The following CNNM2 variants were observed in gnomAD, a reference collection of about 807,000 sequenced individuals.
CNNM2 encodes the protein cyclin and CBS domain divalent metal cation transport mediator 2, also known as metal transporter CNNM2.
CNNM2 carries 12 observed loss-of-function variants against 66.9 expected under a neutral mutation model. The observed-to-expected ratio is 0.18, with a 90% CI of 0.11 to 0.29. CNNM2 has a LOEUF of 0.29. CNNM2 is among the 10% of genes least tolerant of loss of function. CNNM2 has a pLI of 1.00. For missense variants in CNNM2, 705 were observed against 1,167.7 expected, an observed-to-expected ratio of 0.60 and a Z score of 5.77; for synonymous variants, 557 against 501.8, an observed-to-expected ratio of 1.11 and a Z score of -1.47.
intron 2 of CNNM2, among the ~76,000 whole-genome samples, chr10:103,052,806 G>A (rs1226588963): frequency 6.6e-6 from 1 of 152,146 alleles, no homozygotes; most frequent in Non-Finnish European, 1.5e-5. Context: ...CACCGTGCCT[G>A]GCCGATTTCA....
At chr10:103,049,593 A>C (rs1326576991) in intron 1 of CNNM2, 114 bp from the exon 2 acceptor site, 2 of 1,008,486 alleles carry the variant, frequency 2.0e-6, no homozygotes, top group Non-Finnish European at 3.0e-6. Flanking sequence ...ATGCTGAAAC[A>C]GAGATTTTGA....
chr10:103,041,697 G>A (rs961601288), intron 1 of CNNM2, among the ~76,000 whole-genome samples: 2 of 152,092 alleles, frequency 1.3e-5, no homozygotes, highest in African/African-American at 2.4e-5. Context: ...GTGACCTTTC[G>A]GCTGCATTTG....
chr10:103,076,936 C>G (rs779027383), intron 7 of CNNM2, 35 bp from the exon 8 acceptor site: 7 of 1,583,004 alleles, frequency 4.4e-6, no homozygotes, highest in African/African-American at 2.7e-5. Flanking sequence ...TAAGCATTAT[C>G]TTGGTTTGTT....
chr10:102,960,980 G>A (rs529254244), intron 1 of CNNM2, among the ~76,000 whole-genome samples: 3 of 150,720 alleles, frequency 2.0e-5, no homozygotes, highest in East Asian at 1.9e-4. Context: ...TCCAACCTCC[G>A]GTTTCTCTTG....
chr10:102,979,583 T>C (rs1196973160), intron 1 of CNNM2, among the ~76,000 whole-genome samples: 1 of 152,232 alleles, frequency 6.6e-6, no homozygotes, highest in Non-Finnish European at 1.5e-5. Flanking sequence ...GTGTAACATT[T>C]GTCTCCCCGC....
chr10:102,940,622 G>T (rs952201504), intron 1 of CNNM2, among the ~76,000 whole-genome samples: 1 of 151,242 alleles, frequency 6.6e-6, no homozygotes, highest in South Asian at 2.1e-4. Flanking sequence ...GTTTCACCGT[G>T]TTAGCCAGGA....
intron 1 of CNNM2, among the ~76,000 whole-genome samples, chr10:103,019,594 T>C (rs1041615469): frequency 6.6e-6 from 1 of 152,146 alleles, no homozygotes; most frequent in African/African-American, 2.4e-5. Flanking sequence ...GAGGAAAGCC[T>C]GTGATGATGG....
intron 1 of CNNM2, among the ~76,000 whole-genome samples, chr10:103,042,464 A>AGGC (rs2065059501): frequency 6.6e-6 from 1 of 152,060 alleles, no homozygotes; most frequent in Non-Finnish European, 1.5e-5. Context: ...ATGCCTTTTC[A>AGGC]CTTCAAGGTT....
At position 103,078,212 on chromosome 10, in the gene CNNM2, G is replaced by A. The variant is rs960128358; in HGVS notation, c.*1032G>A. 5 of 152,244 alleles carry A rather than the reference G, an allele frequency of 3.3e-5. No homozygotes were observed. Among genetic ancestry groups the A allele is most frequent in the African/African-American group, 1.2e-4 (5 of 41,464 alleles). The allele number at this position is 152,244 out of a possible 1,614,324, so 9.4% of individuals were successfully genotyped here. A position where few individuals can be genotyped will look rare whatever the true frequency, so the allele number is the denominator to read the frequency against. ...AACATACTTTAACAGAAAACGAGTC[G>A]GACCTTCTAGCTGCACTCTGTACTG... On this transcript the variant is annotated 3_prime_UTR_variant, in exon 8 of 8. Coordinates refer to ENST00000369878, the MANE Select transcript of CNNM2 (RefSeq NM_017649.5).
At chr10:102,936,345 G>A (rs1846238556) in intron 1 of CNNM2, among the ~76,000 whole-genome samples, 1 of 152,108 alleles carries the variant, frequency 6.6e-6, no homozygotes, top group African/African-American at 2.4e-5. Flanking sequence ...AGTCACTAGT[G>A]TACCTCCTTG....
intron 5 of CNNM2, 23 bp downstream of exon 5, chr10:103,068,745 T>A (rs759469897): frequency 6.3e-7 from 1 of 1,586,322 alleles, no homozygotes; most frequent in South Asian, 1.1e-5. Context: ...CCCAGCCGCA[T>A]AGGGCAGGAC....
At chr10:102,938,022 G>C (rs1482831215) in intron 1 of CNNM2, among the ~76,000 whole-genome samples, 2 of 151,856 alleles carry the variant, frequency 1.3e-5, no homozygotes, top group African/African-American at 4.8e-5. Flanking sequence ...CAATGTGTGG[G>C]GCGCAGTGAC....
Position 102,918,322 on chromosome 10 carries a change from G to C in CNNM2, c.-159G>C. Reference sequence around the variant, plus strand: ...TCCCTCTTTCCCTCCCGCGAGCCTCGGGGTTCCTCAGCTGGCTGAGGTGGA... The same window carrying C: ...TCCCTCTTTCCCTCCCGCGAGCCTCCGGGTTCCTCAGCTGGCTGAGGTGGA... On this transcript the variant is annotated 5_prime_UTR_variant, in exon 1 of 8. Transcript: ENST00000369878. The surrounding 1 kb of genome is among the most constrained non-coding windows in gnomAD (Gnocchi z 4.1). 4.7e-6 allele frequency: 6 copies of C among 1,266,540 alleles called. No individual in the cohort carries two copies. The highest frequency in any genetic ancestry group is 6.3e-6 in the Non-Finnish European group (6 of 959,392). 78.5% of individuals were successfully genotyped at this position (1,266,540 alleles called of 1,614,324 possible).
At chr10:103,000,601 G>C (rs893964698) in intron 1 of CNNM2, among the ~76,000 whole-genome samples, 1 of 151,904 alleles carries the variant, frequency 6.6e-6, no homozygotes, top group South Asian at 2.1e-4. Flanking sequence ...TTACAGGTGC[G>C]TGCCACCACA....
chr10:102,940,004 A>ACAAAAAC (rs141700373), intron 1 of CNNM2, among the ~76,000 whole-genome samples: 2 of 97,850 alleles, frequency 2.0e-5, no homozygotes, highest in African/African-American at 7.5e-5. Flanking sequence ...CAACAACAAA[A>ACAAAAAC]AAAAAACCGC....
intron 1 of CNNM2, among the ~76,000 whole-genome samples, chr10:103,006,669 C>T (rs1490514230): frequency 6.6e-6 from 1 of 152,192 alleles, no homozygotes; most frequent in African/African-American, 2.4e-5. Context: ...CTCTGTCACC[C>T]AGGCTGGAGT....
At chr10:102,988,308 T>A (rs981711483) in intron 1 of CNNM2, among the ~76,000 whole-genome samples, 1 of 151,620 alleles carries the variant, frequency 6.6e-6, no homozygotes, top group Admixed American at 6.6e-5. Flanking sequence ...TTCAAAAAAA[T>A]AATAATAGAA....
At chr10:102,926,077 T>G (rs975878299) in intron 1 of CNNM2, among the ~76,000 whole-genome samples, 2 of 152,226 alleles carry the variant, frequency 1.3e-5, no homozygotes, top group Admixed American at 6.5e-5. Flanking sequence ...TCCTTGACTT[T>G]TCATTTCTGT....
chr10:103,040,931 G>C (rs2065029316), intron 1 of CNNM2, among the ~76,000 whole-genome samples: 1 of 152,168 alleles, frequency 6.6e-6, no homozygotes, highest in Non-Finnish European at 1.5e-5. Flanking sequence ...CTAAATACGG[G>C]AGGAGAATTG....
Sources: gnomAD v4.1 joint callset for allele counts (sites outside exome capture counted in the v4.1 genomes callset) on GRCh38, gnomAD v4.1.1 for gene constraint, Gnocchi (gnomAD v3.1) non-coding constraint, MANE v1.5 for transcripts, NCBI Gene and HGNC (gene_info 2026-07-23, HGNC 2026-07-21) for gene names.